NMNAT2: variants seen among roughly 807,000 people sequenced by gnomAD.
The protein encoded by NMNAT2 is nicotinamide/nicotinic acid mononucleotide adenylyltransferase 2.
A neutral mutation model predicts 41.6 loss-of-function variants in NMNAT2; 11 were observed. That is an observed-to-expected ratio of 0.26 (90% CI 0.17 to 0.44). The LOEUF is 0.44. Ranked by LOEUF, NMNAT2 falls within the 20% of genes least tolerant of loss-of-function variation. The probability of loss-of-function intolerance (pLI) is 1.00; values close to 1 mark genes in which losing one functional copy is unlikely to be tolerated. For missense variants in NMNAT2, 288 were observed against 407.7 expected (o/e 0.71, Z 2.53); for synonymous variants, 148 against 151.2 (o/e 0.98, Z 0.16).
Position 183,377,534 on chromosome 1 carries a change from T to G in NMNAT2, c.85+40649A>C, listed in dbSNP as rs2811563. Among the ~76,000 whole-genome samples, 357 of 152,006 alleles carry G rather than the reference T, an allele frequency of 2.3e-3. 2 individuals carry two copies. Among genetic ancestry groups the G allele is most frequent in the African/African-American group, 8.4e-3 (348 of 41,450 alleles). ...TTACCGTTAAAGGAATTGGAAGACT[T>G]TGGTGCACTAAGGGTAACAGCAACA... is the stretch of plus-strand genomic sequence containing the variant. On this transcript the variant is annotated intron_variant, in intron 1 of 10. Coordinates refer to ENST00000287713, the MANE Select transcript of NMNAT2 (RefSeq NM_015039.4).
intron 7 of NMNAT2, among the ~76,000 whole-genome samples, chr1:183,280,728 A>G (rs1661242227): frequency 1.4e-5 from 2 of 141,386 alleles, no homozygotes; most frequent in African/African-American, 2.6e-5. Flanking sequence ...TTTTTTGGCG[A>G]CTTTTTTTCT....
chr1:183,312,726 C>T (rs1662152660), intron 1 of NMNAT2, among the ~76,000 whole-genome samples: 1 of 152,154 alleles, frequency 6.6e-6, no homozygotes, highest in Non-Finnish European at 1.5e-5. Context: ...CCTGACTCTA[C>T]TTCTTTCCAG....
At chr1:183,270,034 C>T (rs1169407840) in intron 8 of NMNAT2, among the ~76,000 whole-genome samples, 2 of 152,178 alleles carry the variant, frequency 1.3e-5, no homozygotes, top group African/African-American at 4.8e-5. Context: ...CAGGCACCCG[C>T]AACCACGCCC....
chr1:183,313,258 A>G (rs1328885952), intron 1 of NMNAT2, among the ~76,000 whole-genome samples: 1 of 152,216 alleles, frequency 6.6e-6, no homozygotes, highest in East Asian at 1.9e-4. Flanking sequence ...AGAATCCAGC[A>G]TGCCTGAGAT....
At position 183,261,278 on chromosome 1, in the gene NMNAT2, C is replaced by T; in HGVS notation, c.677G>A (p.Gly226Glu). 6.2e-7 allele frequency: 1 copy of T among 1,613,732 alleles called. No individual in the cohort carries two copies. The highest frequency in any genetic ancestry group is 8.5e-7 in the Non-Finnish European group (1 of 1,180,010). The change falls in exon 9 of 11, where the codon GGG becomes GAG. Residue 226 changes from glycine to glutamate, a missense_variant. Gly to Glu is a moderately conservative substitution (Grantham distance 98, BLOSUM62 -2). Transcript: ENST00000287713. ...ADMEVIVGDF[G>E]IVVVPRDAAD... Reference sequence around the variant, plus strand: ...TGCATCCCGGGGCACCACCACAATCCCAAAGTCACCAACAATCACCTCCAT... The same window carrying T: ...TGCATCCCGGGGCACCACCACAATCTCAAAGTCACCAACAATCACCTCCAT...
Position 183,312,241 on chromosome 1 carries a change from C to A in NMNAT2, c.86-18448G>T, listed in dbSNP as rs562887198. Among the ~76,000 whole-genome samples the A allele has an allele frequency of 9.3e-5, 14 of 149,916 alleles. No individual in the cohort carries two copies. In the South Asian group the frequency reaches 2.8e-3, roughly 30 times the overall value. On this transcript the variant is annotated intron_variant, in intron 1 of 10. Transcript: ENST00000287713. Reference sequence around the variant, plus strand: ...CACATTAGTCACAGGTTTGGAATTTCTTTTTATTTTAAATAATTTAAGGCT... The same window carrying A: ...CACATTAGTCACAGGTTTGGAATTTATTTTTATTTTAAATAATTTAAGGCT...
intron 1 of NMNAT2, among the ~76,000 whole-genome samples, chr1:183,334,867 G>T (rs1662652391): frequency 6.6e-6 from 1 of 152,152 alleles, no homozygotes; most frequent in Non-Finnish European, 1.5e-5. Flanking sequence ...AAGCCCTGGG[G>T]TTGGGAGACT....
chr1:183,308,707 T>C (rs982620855), intron 1 of NMNAT2, among the ~76,000 whole-genome samples: 1 of 152,080 alleles, frequency 6.6e-6, no homozygotes, highest in Non-Finnish European at 1.5e-5. Context: ...CAATACCAAA[T>C]AAAACTGTGA....
chr1:183,254,302 C>T (rs1660466687), intron 10 of NMNAT2, among the ~76,000 whole-genome samples: 1 of 152,190 alleles, frequency 6.6e-6, no homozygotes, highest in African/African-American at 2.4e-5. Context: ...GGTAGAATCT[C>T]ATAATGCCTT....
intron 1 of NMNAT2, among the ~76,000 whole-genome samples, chr1:183,373,703 C>T (rs1258578206): frequency 1.3e-5 from 2 of 151,690 alleles, no homozygotes; most frequent in Admixed American, 6.6e-5. Flanking sequence ...CTGCAACCTC[C>T]GCCTCCTGGG....
chr1:183,314,301 A>T (rs1662193299), intron 1 of NMNAT2, among the ~76,000 whole-genome samples: 1 of 152,052 alleles, frequency 6.6e-6, no homozygotes. Context: ...TCTGTCTCAA[A>T]TGCTCTTCCC....
At chr1:183,293,908 G>GACATTTT in intron 1 of NMNAT2, 115 bp from the exon 2 acceptor site, 1 of 724,122 alleles carries the variant, frequency 1.4e-6, no homozygotes, top group Non-Finnish European at 2.3e-6. Flanking sequence ...CATCTCTCTT[G>GACATTTT]CCATTTAAAT....
At chr1:183,326,465 T>C (rs1035133270) in intron 1 of NMNAT2, among the ~76,000 whole-genome samples, 5 of 151,080 alleles carry the variant, frequency 3.3e-5, no homozygotes, top group African/African-American at 1.2e-4. Flanking sequence ...GAAGAAATAA[T>C]TTCATTTTGA....
At chr1:183,387,462 T>A (rs753535011) in intron 1 of NMNAT2, among the ~76,000 whole-genome samples, 2 of 152,160 alleles carry the variant, frequency 1.3e-5, no homozygotes, top group Non-Finnish European at 2.9e-5. Flanking sequence ...AGAGAACAAA[T>A]CTGGATCCTT....
chr1:183,416,925 G>C (rs996253598), intron 1 of NMNAT2, among the ~76,000 whole-genome samples: 1 of 152,136 alleles, frequency 6.6e-6, no homozygotes, highest in African/African-American at 2.4e-5. Flanking sequence ...GGCGCGCCCT[G>C]CATTTCAGCA....
At chr1:183,380,345 G>C (rs1430389622) in intron 1 of NMNAT2, among the ~76,000 whole-genome samples, 1 of 151,154 alleles carries the variant, frequency 6.6e-6, no homozygotes, top group Non-Finnish European at 1.5e-5. Flanking sequence ...TTTTTCTTTT[G>C]CTATGGTTTT....
chr1:183,334,672 G>C (rs181616326), intron 1 of NMNAT2, among the ~76,000 whole-genome samples: 4 of 151,740 alleles, frequency 2.6e-5, no homozygotes, highest in Admixed American at 2.6e-4. Flanking sequence ...ACCAAGCCCA[G>C]CTAATTTTTG....
chr1:183,416,579 T>A (rs1180434321), intron 1 of NMNAT2, among the ~76,000 whole-genome samples: 1 of 152,222 alleles, frequency 6.6e-6, no homozygotes, highest in Non-Finnish European at 1.5e-5. Context: ...GAAGTCCTTA[T>A]TTAACAGGCA....
At chr1:183,283,347 T>G (rs575561179) in intron 7 of NMNAT2, 1 of 153,852 alleles carries the variant, frequency 6.5e-6, no homozygotes, top group Non-Finnish European at 1.4e-5. Flanking sequence ...TTTCCCCAGC[T>G]TCAGACACCT....
Sources: gnomAD v4.1 joint callset for allele counts (sites outside exome capture counted in the v4.1 genomes callset) on GRCh38, gnomAD v4.1.1 for gene constraint, MANE v1.5 for transcripts, NCBI Gene and HGNC (gene_info 2026-07-23, HGNC 2026-07-21) for gene names.